MGMT: variants seen among roughly 807,000 people sequenced by gnomAD.
MGMT encodes O-6-methylguanine-DNA methyltransferase, also known as methylated-DNA--protein-cysteine methyltransferase.
MGMT carries 14 observed loss-of-function variants against 15.9 expected under a neutral mutation model. The observed-to-expected ratio is 0.88, with a 90% CI of 0.58 to 1.37. The LOEUF is 1.37. Among genes scored for constraint, MGMT ranks in the 40% most tolerant of loss-of-function variants. The pLI is 0.00. For synonymous variants in MGMT, 130 were observed against 118.2 expected (o/e 1.10, Z -0.65); for missense variants, 282 against 268.1 (o/e 1.05, Z -0.36).
chr10:129,583,310 A>G (rs528549), intron 2 of MGMT, among the ~76,000 whole-genome samples: 61,428 of 152,106 alleles, frequency 0.4, 13,133 homozygotes, highest in East Asian at 0.63. Flanking sequence ...AAGACCCATT[A>G]TCATCAGAAG....
At chr10:129,656,584 G>C (rs1403328577) in intron 2 of MGMT, among the ~76,000 whole-genome samples, 1 of 152,164 alleles carries the variant, frequency 6.6e-6, no homozygotes, top group Non-Finnish European at 1.5e-5. Context: ...TCGGGGCACC[G>C]CTTGGTTTTA....
intron 2 of MGMT, among the ~76,000 whole-genome samples, chr10:129,593,877 C>T (rs1240515251): frequency 7.9e-5 from 12 of 152,278 alleles, no homozygotes; most frequent in Admixed American, 6.5e-4. Context: ...AGGCAAATGT[C>T]GGCAGAGAAG....
intron 2 of MGMT, among the ~76,000 whole-genome samples, chr10:129,574,934 C>T (rs1204196096): frequency 6.6e-6 from 1 of 152,126 alleles, no homozygotes; most frequent in East Asian, 1.9e-4. Flanking sequence ...AGGCTGTGGG[C>T]CCCTCTGATA....
intron 1 of MGMT, among the ~76,000 whole-genome samples, chr10:129,505,797 A>C (rs989901422): frequency 6.6e-6 from 1 of 152,112 alleles, no homozygotes; most frequent in Non-Finnish European, 1.5e-5. Flanking sequence ...TCTTATTTCC[A>C]TGTTTTCCTG....
intron 3 of MGMT, among the ~76,000 whole-genome samples, chr10:129,756,371 T>C (rs533122424): frequency 6.6e-6 from 1 of 152,068 alleles, no homozygotes; most frequent in East Asian, 1.9e-4. Context: ...ACATCCAGAA[T>C]GTGGCGTTCG....
chr10:129,717,698 G>A (rs1288874204), intron 3 of MGMT: 1 of 152,120 alleles, frequency 6.6e-6, no homozygotes, highest in African/African-American at 2.4e-5. Context: ...ACACATGGCT[G>A]GCCGGCTGTG....
intron 3 of MGMT, among the ~76,000 whole-genome samples, chr10:129,728,368 T>A (rs1014379815): frequency 2.0e-5 from 3 of 151,314 alleles, no homozygotes; most frequent in Admixed American, 6.6e-5. Flanking sequence ...GCATAGGGAG[T>A]GGGTGACGCC....
intron 3 of MGMT, among the ~76,000 whole-genome samples, chr10:129,743,212 T>C (rs889978860): frequency 6.6e-6 from 1 of 152,182 alleles, no homozygotes; most frequent in Non-Finnish European, 1.5e-5. Context: ...ACCTGTCACT[T>C]CCACTCTGGC....
intron 3 of MGMT, among the ~76,000 whole-genome samples, chr10:129,731,095 G>A (rs1046298878): frequency 1.3e-5 from 2 of 152,174 alleles, no homozygotes; most frequent in African/African-American, 4.8e-5. Context: ...CATTTCCGAG[G>A]GCTGGTAGCA....
chr10:129,580,337 CA>C (rs1477675721), intron 2 of MGMT, among the ~76,000 whole-genome samples: 2 of 152,176 alleles, frequency 1.3e-5, no homozygotes, highest in Admixed American at 1.3e-4. Flanking sequence ...TTAATCTTCA[CA>C]AAAACCTTGA....
chr10:129,555,168 C>G (rs1043667724), intron 2 of MGMT, among the ~76,000 whole-genome samples: 1 of 152,214 alleles, frequency 6.6e-6, no homozygotes, highest in Non-Finnish European at 1.5e-5. Context: ...CCCTGCCCTA[C>G]CCGCTGCCCA....
chr10:129,733,620 A>C (rs35426916), intron 3 of MGMT, among the ~76,000 whole-genome samples: 1 of 151,892 alleles, frequency 6.6e-6, no homozygotes, highest in South Asian at 2.1e-4. Context: ...TGTCTTAGAC[A>C]TGAAGTCCTT....
chr10:129,478,808 T>G (rs1204747261), intron 1 of MGMT, among the ~76,000 whole-genome samples: 1 of 152,234 alleles, frequency 6.6e-6, no homozygotes, highest in Non-Finnish European at 1.5e-5. Context: ...GGGGAATGTG[T>G]TCTGCTTCCT....
At chr10:129,646,745 TATA>T (rs1314299461) in intron 2 of MGMT, among the ~76,000 whole-genome samples, 2 of 108,752 alleles carry the variant, frequency 1.8e-5, no homozygotes, top group South Asian at 5.6e-4. Flanking sequence ...TATATATATA[TATA>T]TATATATTTT....
chr10:129,706,052 C>G (rs1848156730), intron 2 of MGMT, among the ~76,000 whole-genome samples: 1 of 152,236 alleles, frequency 6.6e-6, no homozygotes, highest in Non-Finnish European at 1.5e-5. Flanking sequence ...GTCAGGGCAG[C>G]TGCGGTGCCT....
intron 2 of MGMT, among the ~76,000 whole-genome samples, chr10:129,675,638 C>G (rs1847776978): frequency 6.6e-6 from 1 of 152,038 alleles, no homozygotes; most frequent in Non-Finnish European, 1.5e-5. Context: ...ACCAGTGGGT[C>G]GGATCCGTGA....
intron 2 of MGMT, among the ~76,000 whole-genome samples, chr10:129,640,864 T>C (rs1564745402): frequency 6.6e-6 from 1 of 152,250 alleles, no homozygotes; most frequent in Non-Finnish European, 1.5e-5. Flanking sequence ...TAAACCTGTG[T>C]TAATCTCGAA....
At chr10:129,551,241 G>C (rs1364656979) in intron 2 of MGMT, among the ~76,000 whole-genome samples, 1 of 152,196 alleles carries the variant, frequency 6.6e-6, no homozygotes, top group African/African-American at 2.4e-5. Flanking sequence ...TCTGAAGAAA[G>C]GCACTGTTTT....
chr10:129,631,420 C>T (rs565093356), intron 2 of MGMT, among the ~76,000 whole-genome samples: 1 of 152,292 alleles, frequency 6.6e-6, no homozygotes, highest in East Asian at 1.9e-4. Flanking sequence ...CATACTGTTT[C>T]AGGGTTGTTT....
Sources: allele counts gnomAD v4.1 joint callset (sites outside exome capture counted in the v4.1 genomes callset), GRCh38; gene constraint gnomAD v4.1.1; transcripts MANE v1.5; gene names NCBI Gene and HGNC (gene_info 2026-07-23, HGNC 2026-07-21).